The following SUN3 variants were observed in gnomAD, a reference collection of about 807,000 sequenced individuals.
The protein encoded by SUN3 is Sad1 and UNC84 domain containing 3.
SUN3 carries 36 observed loss-of-function variants against 48.2 expected under a neutral mutation model. The observed-to-expected ratio is 0.75, with a 90% confidence interval of 0.57 to 0.99. The LOEUF (loss-of-function observed/expected upper bound fraction) is 0.99. Among genes scored for constraint, SUN3 ranks in the 50% least tolerant of loss-of-function variants. SUN3 has a pLI of 0.00. For synonymous variants in SUN3, 148 were observed against 147.9 expected, an observed-to-expected ratio of 1.00 and a Z score of 0.00; for missense variants, 419 against 433.1, an observed-to-expected ratio of 0.97 and a Z score of 0.29.
chr7:48,026,989 C>T (rs1245484182), intron 1 of SUN3, among the ~76,000 whole-genome samples: 1 of 152,168 alleles, frequency 6.6e-6, no homozygotes, highest in African/African-American at 2.4e-5. Flanking sequence ...ATCTTATGCC[C>T]TTATCAACCC....
intron 3 of SUN3, among the ~76,000 whole-genome samples, chr7:48,016,359 C>T (rs1295107307): frequency 1.3e-5 from 2 of 152,146 alleles, no homozygotes; most frequent in Admixed American, 6.5e-5. Flanking sequence ...TCCGGCTCTG[C>T]GTGAATTATT....
chr7:47,992,695 A>G (rs75989373), intron 8 of SUN3, among the ~76,000 whole-genome samples: 3,571 of 149,748 alleles, frequency 0.024, 98 homozygotes, highest in African/African-American at 0.069. Flanking sequence ...ATATCTTGGG[A>G]AAAAAAAAAG....
At position 48,018,968 on chromosome 7, in the gene SUN3, A is replaced by C. The variant is rs943004956; in HGVS notation, c.185-1603T>G. On this transcript the variant is annotated intron_variant, in intron 2 of 9. Coordinates refer to ENST00000297325, the MANE Select transcript of SUN3 (RefSeq NM_001030019.2). ...AAGATTATGTATGGATAAAATGAGA[A>C]TATTGATTAAAATAAATTATGAAAG... Among the ~76,000 whole-genome samples the C allele has an allele frequency of 2.0e-5, 3 of 152,216 alleles. No individual in the cohort carries two copies. The South Asian group carries it at 6.2e-4, about 31-fold the overall frequency.
upstream of SUN3, among the ~76,000 whole-genome samples, chr7:48,029,655 T>G (rs542080976): frequency 6.6e-6 from 1 of 152,334 alleles, no homozygotes; most frequent in South Asian, 2.1e-4. Context: ...TTTTCAGTTT[T>G]TTTGGCAAGG....
chr7:48,019,284 G>A (rs190506631), intron 2 of SUN3, among the ~76,000 whole-genome samples: 254 of 152,124 alleles, frequency 1.7e-3, no homozygotes, highest in Middle Eastern at 6.8e-3. Flanking sequence ...AAACCTATGG[G>A]ATACAGCAAA....
chr7:48,016,561 C>A (rs1789819044), intron 3 of SUN3, among the ~76,000 whole-genome samples: 1 of 151,838 alleles, frequency 6.6e-6, no homozygotes, highest in Non-Finnish European at 1.5e-5. Context: ...CAGTGACTAG[C>A]CTCAGTCTAA....
intron 1 of SUN3, among the ~76,000 whole-genome samples, chr7:48,027,284 A>T (rs1790161485): frequency 6.6e-6 from 1 of 152,212 alleles, no homozygotes. Flanking sequence ...TGCAGTTATA[A>T]ATATTACTAC....
intron 6 of SUN3, among the ~76,000 whole-genome samples, chr7:47,999,635 T>C: frequency 6.6e-6 from 1 of 152,234 alleles, no homozygotes. Context: ...CCTTGCAGGT[T>C]CAAGCGATTC....
At chr7:48,013,089 T>C (rs1388364310) in intron 3 of SUN3, among the ~76,000 whole-genome samples, 1 of 152,152 alleles carries the variant, frequency 6.6e-6, no homozygotes, top group Admixed American at 6.5e-5. Context: ...GATTTGAAAG[T>C]GGCATGTGAC....
intron 2 of SUN3, among the ~76,000 whole-genome samples, chr7:48,020,271 T>C (rs1369838400): frequency 6.6e-6 from 1 of 151,938 alleles, no homozygotes; most frequent in African/African-American, 2.4e-5. Context: ...CTCTCCATGA[T>C]AAAAACCCTA....
chr7:48,020,526 A>G lies in SUN3; in HGVS notation c.185-3161T>C, dbSNP rs560949323. The stretch of plus-strand genomic sequence containing the variant: ...AAACTGCAATGAAAGAAGTTAAATT[A>G]TCCTTGCTTGCTGATAATATGATTT... On this transcript the variant is annotated intron_variant, in intron 2 of 9. Coordinates refer to ENST00000297325, the MANE Select transcript of SUN3 (RefSeq NM_001030019.2). Among the ~76,000 whole-genome samples the G allele has an allele frequency of 6.6e-5, 10 of 152,324 alleles. No homozygotes were observed. In the East Asian group the frequency reaches 1.9e-3, roughly 29 times the overall value.
At chr7:48,003,721 T>C (rs1436270638) in intron 6 of SUN3, among the ~76,000 whole-genome samples, 1 of 152,226 alleles carries the variant, frequency 6.6e-6, no homozygotes, top group Non-Finnish European at 1.5e-5. Context: ...CTTTTGTTGG[T>C]GTATAGAATG....
At chr7:48,028,509 G>C (rs1215269426) in intron 1 of SUN3, among the ~76,000 whole-genome samples, 1 of 103,654 alleles carries the variant, frequency 9.6e-6, no homozygotes, top group East Asian at 2.8e-4. Flanking sequence ...AAAAAAAAAA[G>C]TGAATTATCT....
the SUN3 span, chr7:48,035,773 G>C: frequency 1.7e-6 from 1 of 584,336 alleles, no homozygotes; most frequent in South Asian, 2.0e-5. The surrounding 1 kb of genome is among the most constrained non-coding windows in gnomAD (Gnocchi z 4.0). Context: ...GATGAGCACA[G>C]GGCGGGATCT....
chr7:48,011,999 GA>G (rs1789696489), intron 3 of SUN3, among the ~76,000 whole-genome samples: 1 of 152,172 alleles, frequency 6.6e-6, no homozygotes, highest in Admixed American at 6.5e-5. Flanking sequence ...CCACAATGTG[GA>G]AAAAGAAAAT....
chr7:47,991,801 AG>A (rs1405446798), intron 8 of SUN3, among the ~76,000 whole-genome samples: 17 of 152,134 alleles, frequency 1.1e-4, no homozygotes, highest in African/African-American at 4.1e-4. Flanking sequence ...TGAAAGCGTG[AG>A]GGGGAGTGTG....
intron 6 of SUN3, among the ~76,000 whole-genome samples, chr7:48,003,394 A>G (rs1459526478): frequency 6.6e-6 from 1 of 151,880 alleles, no homozygotes; most frequent in Non-Finnish European, 1.5e-5. Flanking sequence ...TGCCCTTGCT[A>G]TTTTTGGTTT....
chr7:48,001,331 A>G (rs1789360937), intron 6 of SUN3, among the ~76,000 whole-genome samples: 1 of 152,058 alleles, frequency 6.6e-6, no homozygotes, highest in South Asian at 2.1e-4. Context: ...AAGTGAGAAC[A>G]TGTGTTTTTG....
chr7:47,992,281 A>AG (rs1466156898), intron 8 of SUN3, among the ~76,000 whole-genome samples: 2 of 152,196 alleles, frequency 1.3e-5, no homozygotes, highest in Non-Finnish European at 2.9e-5. Context: ...GCTACCCGCA[A>AG]GGGGGAAAAG....
Sources: gnomAD v4.1 joint callset for allele counts (sites outside exome capture counted in the v4.1 genomes callset) on GRCh38, gnomAD v4.1.1 for gene constraint, Gnocchi (gnomAD v3.1) non-coding constraint, MANE v1.5 for transcripts, NCBI Gene and HGNC (gene_info 2026-07-23, HGNC 2026-07-21) for gene names.